The following EPHA3 variants were observed in gnomAD, a reference collection of about 807,000 sequenced individuals.
The protein encoded by EPHA3 is EPH receptor A3, also known as ephrin type-A receptor 3.
EPHA3 carries 42 observed loss-of-function variants against 107.1 expected under a neutral mutation model. The ratio of observed to expected loss-of-function variants is 0.39; its 90% CI spans 0.31 to 0.51. EPHA3 has a LOEUF of 0.51. Among genes scored for constraint, EPHA3 ranks in the 20% least tolerant of loss-of-function variants. The pLI is 0.78. For missense variants in EPHA3, 1,183 were observed against 1,211.2 expected (o/e 0.98, Z 0.35); for synonymous variants, 461 against 424.8 (o/e 1.09, Z -1.05).
intron 3 of EPHA3, among the ~76,000 whole-genome samples, chr3:89,296,863 A>T (rs1706366302): frequency 6.6e-6 from 1 of 152,178 alleles, no homozygotes; most frequent in Admixed American, 6.5e-5. Context: ...TCTCCTGGAT[A>T]ACTTGCTTCA....
chr3:89,396,841 A>G (rs1454590967), intron 6 of EPHA3, among the ~76,000 whole-genome samples: 6 of 152,188 alleles, frequency 3.9e-5, no homozygotes, highest in Non-Finnish European at 8.8e-5. Flanking sequence ...GACATTACTT[A>G]AGTCTGAGCT....
intron 3 of EPHA3, among the ~76,000 whole-genome samples, chr3:89,218,883 G>C (rs1009819387): frequency 1.3e-5 from 2 of 152,182 alleles, no homozygotes; most frequent in African/African-American, 2.4e-5. Context: ...CTGTTGGTGG[G>C]ACTGTAAACT....
At chr3:89,286,046 C>G (rs1706074175) in intron 3 of EPHA3, among the ~76,000 whole-genome samples, 1 of 151,462 alleles carries the variant, frequency 6.6e-6, no homozygotes, top group African/African-American at 2.4e-5. Flanking sequence ...GCCTGAGAGT[C>G]AGTTTCCTGA....
chr3:89,458,101 A>G (rs1710136029), intron 15 of EPHA3, among the ~76,000 whole-genome samples: 1 of 152,220 alleles, frequency 6.6e-6, no homozygotes, highest in African/African-American at 2.4e-5. Context: ...TCCTGTTTCC[A>G]TTGTATGTAA....
chr3:89,306,928 C>A (rs1271974468), intron 3 of EPHA3, among the ~76,000 whole-genome samples: 2 of 152,104 alleles, frequency 1.3e-5, no homozygotes, highest in Non-Finnish European at 2.9e-5. Flanking sequence ...AGAAAAATGT[C>A]TCAGAATTGA....
At chr3:89,229,909 A>G (rs1475216290) in intron 3 of EPHA3, among the ~76,000 whole-genome samples, 1 of 152,072 alleles carries the variant, frequency 6.6e-6, no homozygotes. Context: ...GCATTTAGGA[A>G]TAGTGTAACT....
Position 89,341,874 on chromosome 3 carries a change from A to C in EPHA3, c.1090A>C (p.Lys364Gln), listed in dbSNP as rs773454441. The change falls in exon 5 of 17, where the codon AAA becomes CAA. Residue 364 changes from lysine (K) to glutamine (Q), a missense_variant. Lys to Gln is a moderately conservative substitution (Grantham distance 53). Coordinates refer to ENST00000336596, the MANE Select transcript of EPHA3 (RefSeq NM_005233.6). ...AGATGTTACCTTCAACATCATATGT[A>C]AAAAATGTGGGTGGAATATAAAACA... is the stretch of plus-strand genomic sequence containing the variant. ...RKDVTFNIIC[K>Q]KCGWNIKQCE... The C allele has an allele frequency of 2.5e-6, 4 of 1,613,778 alleles. No individual in the cohort carries two copies. The African/African-American group carries it at 5.3e-5, about 22-fold the overall frequency.
At chr3:89,118,885 A>T (rs1434243037) in intron 1 of EPHA3, among the ~76,000 whole-genome samples, 1 of 151,994 alleles carries the variant, frequency 6.6e-6, no homozygotes, top group African/African-American at 2.4e-5. Context: ...TAGATATGAA[A>T]ATTATGAAAA....
chr3:89,165,131 T>C (rs1273904013), intron 2 of EPHA3, among the ~76,000 whole-genome samples: 1 of 152,218 alleles, frequency 6.6e-6, no homozygotes, highest in African/African-American at 2.4e-5. Context: ...TAAGTGATTC[T>C]AATGCAACAA....
chr3:89,211,695 C>T (rs1055495157), intron 3 of EPHA3, among the ~76,000 whole-genome samples: 1 of 151,420 alleles, frequency 6.6e-6, no homozygotes, highest in Non-Finnish European at 1.5e-5. Flanking sequence ...CTCTCCTCCC[C>T]CTCCCCCTCT....
chr3:89,480,851 G>T lies in EPHA3; in HGVS notation c.*1349G>T. 1 of 232,242 alleles carries T rather than the reference G, an allele frequency of 4.3e-6. No homozygotes were observed. 14.4% of individuals were successfully genotyped at this position (232,242 alleles called of 1,614,324 possible). Reference sequence around the variant, plus strand: ...TTTTGGTGTGTAACTTAGAAGGATTGAACTTCTTTGAATTTACTGGACATA... The same window carrying T: ...TTTTGGTGTGTAACTTAGAAGGATTTAACTTCTTTGAATTTACTGGACATA... On this transcript the variant is annotated 3_prime_UTR_variant, in exon 17 of 17. Coordinates refer to ENST00000336596, the MANE Select transcript of EPHA3 (RefSeq NM_005233.6).
intron 7 of EPHA3, among the ~76,000 whole-genome samples, chr3:89,402,200 C>G (rs1430565429): frequency 6.6e-6 from 1 of 152,114 alleles, no homozygotes; most frequent in East Asian, 1.9e-4. Context: ...TTATGCATAA[C>G]CTTCTAATGA....
chr3:89,342,564 CTA>C (rs2107422253), intron 5 of EPHA3, among the ~76,000 whole-genome samples: 1 of 152,062 alleles, frequency 6.6e-6, no homozygotes, highest in East Asian at 1.9e-4. Flanking sequence ...TTAATAATAA[CTA>C]TGTAGATTAC....
chr3:89,442,535 C>A (rs566074149), intron 13 of EPHA3, among the ~76,000 whole-genome samples: 12 of 152,120 alleles, frequency 7.9e-5, no homozygotes, highest in African/African-American at 2.9e-4. Context: ...TAGATGACAG[C>A]GGCAGAAGTG....
At chr3:89,467,070 G>T (rs1168165388) in intron 15 of EPHA3, among the ~76,000 whole-genome samples, 1 of 152,030 alleles carries the variant, frequency 6.6e-6, no homozygotes, top group African/African-American at 2.4e-5. Flanking sequence ...TTTAGTTACT[G>T]ATGAAAAATT....
chr3:89,336,578 A>T (rs1707397063), intron 3 of EPHA3, among the ~76,000 whole-genome samples: 1 of 152,186 alleles, frequency 6.6e-6, no homozygotes. Context: ...TCTCAAATTC[A>T]TTGAACAGTT....
intron 2 of EPHA3, among the ~76,000 whole-genome samples, chr3:89,198,547 G>A (rs572912524): frequency 6.6e-6 from 1 of 152,252 alleles, no homozygotes; most frequent in South Asian, 2.1e-4. Flanking sequence ...TGCTACCCTT[G>A]TGAAGAGAAC....
Position 89,341,785 on chromosome 3 carries a change from C to T in EPHA3, c.1001C>T (p.Ser334Phe). The T allele has an allele frequency of 6.2e-7, 1 of 1,613,502 alleles. No individual in the cohort carries two copies. The highest frequency in any genetic ancestry group is 8.5e-7 in the Non-Finnish European group (1 of 1,179,778). ...CCATCTTCACCAAGAAATGTTATCT[C>T]TAATATAAACGAGACCTCAGTTATC... ...RPPSSPRNVI[S>F]NINETSVILD... Residue 334 changes from serine to phenylalanine, a missense_variant, in exon 5 of 17, where the codon TCT becomes TTT. Coordinates refer to ENST00000336596, the MANE Select transcript of EPHA3 (RefSeq NM_005233.6).
intron 3 of EPHA3, among the ~76,000 whole-genome samples, chr3:89,267,614 A>T (rs1229801724): frequency 6.6e-6 from 1 of 152,156 alleles, no homozygotes; most frequent in African/African-American, 2.4e-5. Context: ...ATTAAAGGTA[A>T]CGTCTTGGCA....
Sources: allele counts gnomAD v4.1 joint callset (sites outside exome capture counted in the v4.1 genomes callset), GRCh38; gene constraint gnomAD v4.1.1; transcripts MANE v1.5; gene names NCBI Gene and HGNC (gene_info 2026-07-23, HGNC 2026-07-21).